The following RNF19A variants were observed in gnomAD, a reference collection of about 807,000 sequenced individuals.
RNF19A encodes ring finger protein 19A, RBR E3 ubiquitin protein ligase.
In RNF19A, 32 loss-of-function variants were observed where a neutral mutation model predicts 75.7. The ratio of observed to expected loss-of-function variants is 0.42; its 90% CI spans 0.32 to 0.57. The LOEUF (loss-of-function observed/expected upper bound fraction) is 0.57, where lower values mean the gene tolerates loss of function less well. Among genes scored for constraint, RNF19A ranks in the 20% least tolerant of loss-of-function variants. The pLI, the probability that RNF19A is intolerant of heterozygous loss-of-function variation, is 0.10. For missense variants in RNF19A, 782 were observed against 1,036.3 expected (o/e 0.75, Z 3.37); for synonymous variants, 335 against 345.2 (o/e 0.97, Z 0.33).
rs568580621 is a variant in RNF19A at position 100,308,637 on chromosome 8, T to C, written c.-94+1230A>G. Among the ~76,000 whole-genome samples the C allele has an allele frequency of 3.3e-3, 503 of 151,620 alleles. 3 individuals are homozygous for C. The highest frequency in any genetic ancestry group is 5.5e-3 in the African/African-American group (226 of 41,296). ...TCAAACAACCAAAACTCAATGAATC[T>C]AGGTTAAAATAAGAAAAGATATTTT... On this transcript the variant is annotated intron_variant, in intron 1 of 9. Coordinates refer to ENST00000341084, the MANE Select transcript of RNF19A (RefSeq NM_183419.4).
At chr8:100,318,729 G>C (rs1788174) in intron 1 of RNF19A, among the ~76,000 whole-genome samples, 49,114 of 152,064 alleles carry the variant, frequency 0.32, 8,584 homozygotes, top group East Asian at 0.41. Context: ...TGACCCAGAA[G>C]CTTGATACCA....
At chr8:100,312,621 G>A (rs1822317118), upstream of RNF19A, among the ~76,000 whole-genome samples, 3 of 151,468 alleles carry the variant, frequency 2.0e-5, no homozygotes, top group African/African-American at 7.3e-5. Context: ...GAAGGAGGGA[G>A]GGAGAGAAAG....
At chr8:100,304,413 T>C (rs553559225) in intron 1 of RNF19A, among the ~76,000 whole-genome samples, 3 of 152,336 alleles carry the variant, frequency 2.0e-5, no homozygotes, top group African/African-American at 7.2e-5. Flanking sequence ...ATATACATCA[T>C]ATACCCTAAG....
Position 100,275,036 on chromosome 8 carries a change from G to C in RNF19A, c.800C>G (p.Ala267Gly). Residue 267 changes from alanine (A) to glycine (G), a missense_variant, in exon 3 of 10, where the codon GCT becomes GGT. Physicochemically the swap from Ala to Gly is moderately conservative, Grantham distance 60. Transcript: ENST00000341084. The surrounding 1 kb of genome is among the most constrained non-coding windows in gnomAD (Gnocchi z 4.3). Reference sequence around the variant, plus strand: ...TAAGCTCTGGGCTCTCTCTTGTCGAGCAGCATCACAGGTCTGGTTGGGGTG... The same window carrying C: ...TAAGCTCTGGGCTCTCTCTTGTCGACCAGCATCACAGGTCTGGTTGGGGTG... ...IWHPNQTCDA[A>G]RQERAQSLRL... is the part of the protein sequence containing the mutation. 1 of 1,614,116 alleles carries C rather than the reference G, an allele frequency of 6.2e-7. No individual in the cohort carries two copies. The highest frequency in any genetic ancestry group is 8.5e-7 in the Non-Finnish European group (1 of 1,180,004).
At chr8:100,320,448 G>A (rs988766771) in intron 1 of RNF19A, among the ~76,000 whole-genome samples, 5 of 152,182 alleles carry the variant, frequency 3.3e-5, no homozygotes, top group African/African-American at 4.8e-5. Flanking sequence ...CCTAGAAGCA[G>A]AATTACTGAA....
chr8:100,293,201 G>A (rs1399511886), intron 1 of RNF19A, among the ~76,000 whole-genome samples: 1 of 152,234 alleles, frequency 6.6e-6, no homozygotes, highest in Non-Finnish European at 1.5e-5. Flanking sequence ...AAGGGTTGGG[G>A]AGCCCTGTTC....
At chr8:100,326,905 CT>C (rs538499700) in intron 1 of RNF19A, among the ~76,000 whole-genome samples, 1 of 152,194 alleles carries the variant, frequency 6.6e-6, no homozygotes, top group South Asian at 2.1e-4. Context: ...TTATCTTATA[CT>C]TCTTTTCCTT....
chr8:100,264,037 C>A lies in RNF19A; in HGVS notation c.1465G>T (p.Val489Leu). 1 of 1,612,676 alleles carries A rather than the reference C, an allele frequency of 6.2e-7. No individual in the cohort carries two copies. Among genetic ancestry groups the A allele is most frequent in the Non-Finnish European group, 8.5e-7 (1 of 1,179,094 alleles). The change falls in exon 7 of 10, where the codon GTA becomes TTA. Residue 489 changes from valine to leucine, a missense_variant. Val to Leu is a conservative substitution (Grantham distance 32). Transcript: ENST00000341084. This position sits in a 1 kb window ranked among gnomAD's most constrained non-coding sequence, Gnocchi z 4.7. ...DINVGGTNTAVDTTSVAEARH... is the reference protein window; with the variant it reads ...DINVGGTNTALDTTSVAEARH... ...TTCCTTTGCTTAAAGGACTTACCTA[C>A]AGCTGTGTTAGTTCCACCAACATTT...
At chr8:100,310,068 G>A (rs1175334381), upstream of RNF19A, 19 of 985,316 alleles carry the variant, frequency 1.9e-5, no homozygotes, top group East Asian at 2.3e-4. Context: ...GTGGCTCGAC[G>A]GCTGCTCCCG....
At position 100,261,396 on chromosome 8, in the gene RNF19A, C is replaced by A; in HGVS notation, c.1682+146G>T. On this transcript the variant is annotated intron_variant, in intron 8 of 9. Transcript: ENST00000341084. The surrounding 1 kb of genome is among the most constrained non-coding windows in gnomAD (Gnocchi z 4.4). ...TACAGGCGTGAGCCACTGCACCTGG[C>A]CCCAAATTTCATTTTTAACATTACT... The A allele has an allele frequency of 2.7e-6, 2 of 740,106 alleles. No individual in the cohort carries two copies. Among genetic ancestry groups the A allele is most frequent in the East Asian group, 2.7e-5 (1 of 36,828 alleles). 45.8% of individuals were successfully genotyped at this position (740,106 alleles called of 1,614,324 possible).
intron 1 of RNF19A, among the ~76,000 whole-genome samples, chr8:100,302,477 T>G (rs1270312392): frequency 6.6e-6 from 1 of 152,222 alleles, no homozygotes; most frequent in Non-Finnish European, 1.5e-5. Flanking sequence ...TTTAGACATT[T>G]ATACTTGAGA....
chr8:100,290,183 C>T (rs1017976972), intron 1 of RNF19A, among the ~76,000 whole-genome samples: 7 of 152,134 alleles, frequency 4.6e-5, no homozygotes, highest in Non-Finnish European at 1.0e-4. Context: ...GAAGCAATCT[C>T]GGCTCACTGC....
intron 1 of RNF19A, among the ~76,000 whole-genome samples, chr8:100,295,209 A>C (rs1014006526): frequency 2.0e-5 from 3 of 152,238 alleles, no homozygotes; most frequent in African/African-American, 7.2e-5. Context: ...AAAGAAAAAA[A>C]TTGATTTTTA....
intron 1 of RNF19A, among the ~76,000 whole-genome samples, chr8:100,328,618 C>T (rs541352709): frequency 1.3e-5 from 2 of 151,942 alleles, no homozygotes; most frequent in African/African-American, 2.4e-5. Context: ...ATTACAGGCA[C>T]GCGCCACCAC....
At chr8:100,315,149 A>G (rs1822353956) in intron 1 of RNF19A, among the ~76,000 whole-genome samples, 1 of 152,124 alleles carries the variant, frequency 6.6e-6, no homozygotes, top group Admixed American at 6.5e-5. Flanking sequence ...GTGCCCAGGC[A>G]TGGTGGCACA....
At chr8:100,282,995 C>G (rs538544902) in intron 2 of RNF19A, among the ~76,000 whole-genome samples, 3 of 152,316 alleles carry the variant, frequency 2.0e-5, no homozygotes, top group African/African-American at 7.2e-5. Flanking sequence ...TAGTAGCATA[C>G]AGTCAGGCTG....
In RNF19A at chr8:100,333,359, A is replaced by G. The variant is rs1822634077; in HGVS notation, c.-243+2749T>C. On this transcript the variant is annotated intron_variant, in intron 1 of 3. Transcript: ENST00000519527. The surrounding 1 kb of genome is among the most constrained non-coding windows in gnomAD (Gnocchi z 4.7). ...ATAGCAGCACAAAATGGACTAAGAC[A>G]GCTGTTGTCTTATAAGTAAATCACA... Among the ~76,000 whole-genome samples, 2 of 152,284 alleles carry G rather than the reference A, an allele frequency of 1.3e-5. No individual in the cohort carries two copies. The highest frequency in any genetic ancestry group is 2.9e-5 in the Non-Finnish European group (2 of 68,044).
rs903214878 is a variant in RNF19A at position 100,260,857 on chromosome 8, G to C, written c.1682+685C>G. Among the ~76,000 whole-genome samples, 1 of 152,076 alleles carries C rather than the reference G, an allele frequency of 6.6e-6. No homozygotes were observed. Among genetic ancestry groups the C allele is most frequent in the South Asian group, 2.1e-4 (1 of 4,814 alleles). ...TAAAAGGACCCTAGCCGATTATCCC[G>C]GTCCCAGTTCACACATTCCTGGATG... is the stretch of plus-strand genomic sequence containing the variant. On this transcript the variant is annotated intron_variant, in intron 8 of 9. Coordinates refer to ENST00000341084, the MANE Select transcript of RNF19A (RefSeq NM_183419.4). The surrounding 1 kb of genome is among the most constrained non-coding windows in gnomAD (Gnocchi z 4.1).
chr8:100,286,303 G>T, intron 2 of RNF19A, among the ~76,000 whole-genome samples: 1 of 152,152 alleles, frequency 6.6e-6, no homozygotes, highest in East Asian at 1.9e-4. Context: ...GCCCAGTTTA[G>T]ACAGCATCCA....
Sources: gnomAD v4.1 joint callset for allele counts (sites outside exome capture counted in the v4.1 genomes callset) on GRCh38, gnomAD v4.1.1 for gene constraint, Gnocchi (gnomAD v3.1) non-coding constraint, MANE v1.5 for transcripts, NCBI Gene and HGNC (gene_info 2026-07-23, HGNC 2026-07-21) for gene names.